Variants in ZFYVE16 observed in about 807,000 individuals in gnomAD.
The protein encoded by ZFYVE16 is zinc finger FYVE domain-containing protein 16.
ZFYVE16 carries 89 observed loss-of-function variants against 138.1 expected under a neutral mutation model. The observed-to-expected ratio is 0.64, with a 90% CI of 0.54 to 0.77. The LOEUF (loss-of-function observed/expected upper bound fraction) is 0.77. Ranked by LOEUF, ZFYVE16 falls within the 30% of genes least tolerant of loss-of-function variation. The probability of loss-of-function intolerance (pLI) is 0.00; values close to 1 mark genes in which losing one functional copy is unlikely to be tolerated. For missense variants in ZFYVE16, 1,793 were observed against 1,786.7 expected (o/e 1.00, Z -0.06); for synonymous variants, 596 against 618.3 (o/e 0.96, Z 0.53).
chr5:80,461,523 A>C (rs984419321), intron 15 of ZFYVE16, among the ~76,000 whole-genome samples: 1 of 152,216 alleles, frequency 6.6e-6, no homozygotes, highest in Non-Finnish European at 1.5e-5. Context: ...AGTAGCGTAA[A>C]AAGCATAAAT....
intron 12 of ZFYVE16, chr5:80,456,125 C>G (rs1034735289): frequency 2.1e-5 from 6 of 290,008 alleles, no homozygotes; most frequent in Non-Finnish European, 3.8e-5. Context: ...TGATTTTGAG[C>G]AAATTATGGC....
intron 15 of ZFYVE16, among the ~76,000 whole-genome samples, chr5:80,466,244 G>A (rs113796844): frequency 3.6e-4 from 55 of 152,182 alleles, no homozygotes; most frequent in Non-Finnish European, 5.3e-4. Context: ...TGGTATTCTT[G>A]ATGATATACC....
rs754913807 is a variant in ZFYVE16 at position 80,472,744 on chromosome 5, C to T, written c.4025-17C>T. 2.2e-5 allele frequency: 35 copies of T among 1,604,860 alleles called. No homozygotes were observed. In the African/African-American group the frequency reaches 3.9e-4, roughly 18 times the overall value. On this transcript the variant is annotated splice_polypyrimidine_tract_variant and intron_variant, in intron 15 of 18. Coordinates refer to ENST00000505560, the MANE Select transcript of ZFYVE16 (RefSeq NM_001284236.3). ...GGTATTTGGCAAAAGAAATGTGAAACTTAGTCTCATTTCTAGATGGCTTAA... is the reference window on the plus strand; with the variant it reads ...GGTATTTGGCAAAAGAAATGTGAAATTTAGTCTCATTTCTAGATGGCTTAA...
intron 15 of ZFYVE16, among the ~76,000 whole-genome samples, chr5:80,465,382 T>G (rs1753579136): frequency 7.1e-6 from 1 of 140,974 alleles, no homozygotes; most frequent in Non-Finnish European, 1.5e-5. Flanking sequence ...CATGGTTTCT[T>G]TTTTTTTCCT....
At chr5:80,433,952 G>A (rs1451123938) in intron 2 of ZFYVE16, among the ~76,000 whole-genome samples, 157 bp from the exon 3 acceptor site, 4 of 152,100 alleles carry the variant, frequency 2.6e-5, no homozygotes, top group Non-Finnish European at 4.4e-5. Flanking sequence ...TACATATACA[G>A]GGGCAGTTTC....
chr5:80,415,413 T>G (rs188721727), intron 1 of ZFYVE16, among the ~76,000 whole-genome samples: 1 of 152,302 alleles, frequency 6.6e-6, no homozygotes, highest in African/African-American at 2.4e-5. Context: ...TGTTCCAGGA[T>G]CCCATCCAGG....
At chr5:80,459,004 C>T (rs1386307870) in intron 14 of ZFYVE16, among the ~76,000 whole-genome samples, 2 of 152,224 alleles carry the variant, frequency 1.3e-5, no homozygotes, top group Non-Finnish European at 2.9e-5. Context: ...GATCTTGGCT[C>T]ACTGGAACCT....
At chr5:80,428,827 G>A (rs1018451287) in intron 2 of ZFYVE16, among the ~76,000 whole-genome samples, 4 of 152,164 alleles carry the variant, frequency 2.6e-5, no homozygotes, top group African/African-American at 9.7e-5. Context: ...TTCAGTAGCC[G>A]ATTCGATCAA....
intron 1 of ZFYVE16, among the ~76,000 whole-genome samples, chr5:80,418,088 T>C (rs1027100364): frequency 1.3e-5 from 2 of 152,232 alleles, no homozygotes; most frequent in African/African-American, 4.8e-5. Flanking sequence ...ATATCTTCTT[T>C]GGTAAGATGT....
At chr5:80,433,600 TAAAAA>T in intron 2 of ZFYVE16, among the ~76,000 whole-genome samples, 1 of 150,822 alleles carries the variant, frequency 6.6e-6, no homozygotes, top group East Asian at 1.9e-4. Flanking sequence ...AAAAAGTATA[TAAAAA>T]AAACTCCAGA....
At chr5:80,432,131 A>G (rs1354514041) in intron 2 of ZFYVE16, among the ~76,000 whole-genome samples, 8 of 152,204 alleles carry the variant, frequency 5.3e-5, no homozygotes, top group African/African-American at 1.9e-4. Flanking sequence ...TGCCAAGTCG[A>G]TCCTAAGCCA....
At chr5:80,413,001 C>A (rs999981719) in intron 1 of ZFYVE16, among the ~76,000 whole-genome samples, 1 of 151,356 alleles carries the variant, frequency 6.6e-6, no homozygotes, top group African/African-American at 2.4e-5. Context: ...ATAGTGAGAC[C>A]TTGTCTCCAC....
intron 1 of ZFYVE16, chr5:80,410,318 C>CTGA (rs1333647780): frequency 6.6e-6 from 1 of 151,882 alleles, no homozygotes. Context: ...TCAGCAGTGT[C>CTGA]TGACATGCTT....
At chr5:80,475,338 C>T (rs961239523) in intron 18 of ZFYVE16, among the ~76,000 whole-genome samples, 4 of 152,176 alleles carry the variant, frequency 2.6e-5, no homozygotes, top group African/African-American at 4.8e-5. Context: ...TGAATATTTG[C>T]GGAGAGCAGC....
rs1157856773 is a variant in ZFYVE16 at position 80,437,137 on chromosome 5, C to G, written c.452C>G (p.Pro151Arg). 6.2e-7 allele frequency: 1 copy of G among 1,613,680 alleles called. No homozygotes were observed. Among genetic ancestry groups the G allele is most frequent in the African/African-American group, 1.3e-5 (1 of 74,874 alleles). The change falls in exon 4 of 19, where the codon CCA becomes CGA. Residue 151 changes from proline (P) to arginine (R), a missense_variant. Pro to Arg is a moderately radical substitution (Grantham distance 103). Coordinates refer to ENST00000505560, the MANE Select transcript of ZFYVE16 (RefSeq NM_001284236.3). ...GAAGAAGATATTAAAAAATTATTGCCAGATGATTTTAAGTCTAATGCAGAT... is the reference window on the plus strand; with the variant it reads ...GAAGAAGATATTAAAAAATTATTGCGAGATGATTTTAAGTCTAATGCAGAT... ...NSEEDIKKLL[P>R]DDFKSNADSL...
intron 2 of ZFYVE16, among the ~76,000 whole-genome samples, chr5:80,433,512 A>G (rs941503557): frequency 1.3e-5 from 2 of 152,126 alleles, no homozygotes; most frequent in Non-Finnish European, 2.9e-5. Flanking sequence ...GGTGCAGCAC[A>G]CCAACATGGG....
intron 1 of ZFYVE16, among the ~76,000 whole-genome samples, chr5:80,426,197 GTGTGGT>G (rs1450288355): frequency 8.4e-6 from 1 of 118,412 alleles, no homozygotes; most frequent in Non-Finnish European, 1.8e-5. Flanking sequence ...ATATGTGTGT[GTGTGGT>G]GTGTGTGTGT....
intron 1 of ZFYVE16, among the ~76,000 whole-genome samples, chr5:80,419,780 T>A (rs992691438): frequency 3.3e-5 from 5 of 151,806 alleles, no homozygotes; most frequent in African/African-American, 1.2e-4. Context: ...AGAGATCAGG[T>A]TGGGAAGAAT....
At position 80,481,898 on chromosome 5, in the gene ZFYVE16, C is replaced by G. The variant is rs980771430; in HGVS notation, c.*4521C>G. The stretch of plus-strand genomic sequence containing the variant: ...GCAGTGATACAATCTTGGCTCACTG[C>G]AACCTCCACCCCCAGGGTGCAAGTG... On this transcript the variant is annotated 3_prime_UTR_variant, in exon 19 of 19. Coordinates refer to ENST00000505560, the MANE Select transcript of ZFYVE16 (RefSeq NM_001284236.3). Among the ~76,000 whole-genome samples the G allele has an allele frequency of 8.5e-5, 13 of 152,166 alleles. No homozygotes were observed. The highest frequency in any genetic ancestry group is 3.1e-4 in the African/African-American group (13 of 41,426).
Sources: gnomAD v4.1 joint callset for allele counts (sites outside exome capture counted in the v4.1 genomes callset) on GRCh38, gnomAD v4.1.1 for gene constraint, MANE v1.5 for transcripts, NCBI Gene and HGNC (gene_info 2026-07-23, HGNC 2026-07-21) for gene names.